Variants in ARID1A observed in about 807,000 individuals in gnomAD.
ARID1A encodes the protein AT-rich interactive domain-containing protein 1A.
A neutral mutation model predicts 212.6 loss-of-function variants in ARID1A; 20 were observed. The ratio of observed to expected loss-of-function variants is 0.09; its 90% CI spans 0.07 to 0.14. The LOEUF is 0.14. Ranked by LOEUF, ARID1A falls within the 10% of genes least tolerant of loss-of-function variation. The pLI is 1.00. For synonymous variants in ARID1A, 1,376 were observed against 1,222.1 expected, an observed-to-expected ratio of 1.13 and a Z score of -2.63; for missense variants, 2,587 against 3,059.0, an observed-to-expected ratio of 0.85 and a Z score of 3.64.
intron 1 of ARID1A, among the ~76,000 whole-genome samples, chr1:26,724,661 T>A (rs910468348): frequency 8.5e-5 from 13 of 152,230 alleles, no homozygotes; most frequent in Non-Finnish European, 1.8e-4. Flanking sequence ...TAGTCTGTTA[T>A]TTCAGCCGTT....
At chr1:26,765,957 G>T in intron 8 of ARID1A, 1 of 386,576 alleles carries the variant, frequency 2.6e-6, no homozygotes, top group Non-Finnish European at 4.6e-6. Flanking sequence ...AAGGCAGATT[G>T]TTTGAGCTCA....
intron 1 of ARID1A, among the ~76,000 whole-genome samples, chr1:26,723,004 T>A (rs969159248): frequency 1.3e-5 from 2 of 152,156 alleles, no homozygotes; most frequent in African/African-American, 4.8e-5. Flanking sequence ...AAGACAAACA[T>A]GTTTCTGGAC....
intron 4 of ARID1A, among the ~76,000 whole-genome samples, chr1:26,742,379 G>A (rs374584981): frequency 7.2e-5 from 11 of 152,164 alleles, no homozygotes; most frequent in African/African-American, 2.4e-4. Context: ...CCGTTGACTA[G>A]AGTTTGGTTA....
intron 4 of ARID1A, among the ~76,000 whole-genome samples, chr1:26,736,902 C>CAAAA (rs35005598): frequency 2.0e-5 from 1 of 49,872 alleles, no homozygotes; most frequent in African/African-American, 6.8e-5. Context: ...AATTCTGTCT[C>CAAAA]AAAAAAAAAA....
At chr1:26,751,629 A>G (rs141511832) in intron 4 of ARID1A, among the ~76,000 whole-genome samples, 126 of 152,296 alleles carry the variant, frequency 8.3e-4, no homozygotes, top group African/African-American at 2.8e-3. Context: ...ATGAGAGTCA[A>G]CCACTCACCT....
At chr1:26,713,088 T>A (rs766209334) in intron 1 of ARID1A, among the ~76,000 whole-genome samples, 1 of 152,260 alleles carries the variant, frequency 6.6e-6, no homozygotes, top group Non-Finnish European at 1.5e-5. Context: ...GTTTGATCTG[T>A]GATTTCATAT....
At position 26,779,198 on chromosome 1, in the gene ARID1A, A is replaced by T. The variant is rs1309206594; in HGVS notation, c.5300A>T (p.Glu1767Val). The change falls in exon 20 of 20, where the codon GAA (glutamate) becomes GTA (valine). Residue 1767 changes from glutamate to valine, a missense_variant. Physicochemically the swap from Glu to Val is moderately radical, Grantham distance 121. Transcript: ENST00000324856. ...ATGGAGGGTGGGGAAGAAGAAGAAG[A>T]ACTTCTAGGTCCTAAACTAGAAGAG... ...APMEGGEEEE[E>V]LLGPKLEEEE... 1.4e-5 allele frequency: 22 copies of T among 1,610,764 alleles called. No homozygotes were observed. Among genetic ancestry groups the T allele is most frequent in the Non-Finnish European group, 1.9e-5 (22 of 1,177,870 alleles).
chr1:26,757,300 T>C (rs2124041590), intron 4 of ARID1A, among the ~76,000 whole-genome samples: 1 of 149,400 alleles, frequency 6.7e-6, no homozygotes, highest in South Asian at 2.1e-4. Context: ...ACCCCGTCTC[T>C]ACTAAAAATA....
chr1:26,722,487 C>G (rs2080574503), intron 1 of ARID1A, among the ~76,000 whole-genome samples: 1 of 152,234 alleles, frequency 6.6e-6, no homozygotes, highest in South Asian at 2.1e-4. Context: ...CTCAGGCGAT[C>G]TGCCGCCTTG....
At chr1:26,758,419 C>T (rs571221428) in intron 4 of ARID1A, among the ~76,000 whole-genome samples, 1 of 152,190 alleles carries the variant, frequency 6.6e-6, no homozygotes, top group East Asian at 1.9e-4. Flanking sequence ...CTTCTCTACA[C>T]ACACACAAAC....
chr1:26,700,031 C>T (rs1394368755), intron 1 of ARID1A, among the ~76,000 whole-genome samples: 1 of 152,152 alleles, frequency 6.6e-6, no homozygotes, highest in Non-Finnish European at 1.5e-5. Context: ...ACATAGATTC[C>T]TAATTAATTT....
intron 11 of ARID1A, chr1:26,769,363 G>C (rs758144121): frequency 6.6e-6 from 1 of 152,208 alleles, no homozygotes; most frequent in African/African-American, 2.4e-5. Context: ...GATAATTCAG[G>C]GGCAAAAGAG....
In ARID1A at chr1:26,731,564, A is replaced by G. The variant is rs2124790344; in HGVS notation, c.1763A>G (p.Gln588Arg). Residue 588 changes from glutamine (Q) to arginine (R), a missense_variant, in exon 3 of 20, where the codon CAG (glutamine) becomes CGG (arginine). This residue lies in a region of ARID1A where 674 missense variants were observed against 813.4 expected (regional missense o/e 0.83). Transcript: ENST00000324856. ...CCTCAGCCCCAGTCTCAGCAGTCCC[A>G]GCAAACTGCCTATTCCCAGCAGCGC... ...AYPQPQSQQS[Q>R]QTAYSQQRFP... 3 of 1,614,144 alleles carry G rather than the reference A, an allele frequency of 1.9e-6. No homozygotes were observed. The highest frequency in any genetic ancestry group is 2.5e-6 in the Non-Finnish European group (3 of 1,180,024).
Position 26,697,055 on chromosome 1 carries a change from A to G in ARID1A, c.652A>G (p.Asn218Asp), listed in dbSNP as rs2080272807. 3 of 1,528,390 alleles carry G rather than the reference A, an allele frequency of 2.0e-6. No individual in the cohort carries two copies. The highest frequency in any genetic ancestry group is 1.2e-5 in the South Asian group (1 of 81,568). 94.7% of individuals were successfully genotyped at this position (1,528,390 alleles called of 1,614,324 possible). ...CCACCAGTACAACTCCTACTACCCC[A>G]ACCGCAGCGCCTACCCCCCGCCCGC... is the stretch of plus-strand genomic sequence containing the variant. ...PNHQYNSYYP[N>D]RSAYPPPAPA... The change falls in exon 1 of 20, where the codon AAC (asparagine) becomes GAC (aspartate). Residue 218 changes from asparagine (N) to aspartate (D), a missense_variant. By Grantham distance (23) the Asn-to-Asp change is conservative. Coordinates refer to ENST00000324856, the MANE Select transcript of ARID1A (RefSeq NM_006015.6).
Position 26,696,133 on chromosome 1 carries a change from CG to C in ARID1A, c.-268del, listed in dbSNP as rs2124738787. 1 of 480,332 alleles carries C rather than the reference CG, an allele frequency of 2.1e-6. No individual in the cohort carries two copies. Among genetic ancestry groups the C allele is most frequent in the East Asian group, 5.6e-5 (1 of 17,786 alleles). 29.8% of individuals were successfully genotyped at this position (480,332 alleles called of 1,614,324 possible). A position where few individuals can be genotyped will look rare whatever the true frequency, so the allele number is the denominator to read the frequency against. On this transcript the variant is annotated 5_prime_UTR_variant, in exon 1 of 20. The change creates a premature stop within an existing upstream ORF in the 5' untranslated region. Coordinates refer to ENST00000324856, the MANE Select transcript of ARID1A (RefSeq NM_006015.6). ...CTTGGGGGGAATGAGCCGGGAGAGC[CG>C]GGTCCCGAGCCTACAGAGCCGGGAG...
At chr1:26,763,378 G>T (rs968603074) in intron 8 of ARID1A, 93 bp downstream of exon 8, 5 of 1,364,576 alleles carry the variant, frequency 3.7e-6, no homozygotes, top group African/African-American at 2.9e-5. Flanking sequence ...TAAACCAGGG[G>T]GGGAAAATGG....
intron 10 of ARID1A, 27 bp from the exon 11 acceptor site, chr1:26,767,763 C>A (rs1298579136): frequency 8.2e-6 from 13 of 1,577,008 alleles, no homozygotes; most frequent in Non-Finnish European, 1.1e-5. Flanking sequence ...TGACCCATTC[C>A]TATGAATTTT....
intron 19 of ARID1A, chr1:26,778,792 G>A: frequency 2.5e-6 from 1 of 404,136 alleles, no homozygotes; most frequent in Non-Finnish European, 4.4e-6. Flanking sequence ...CTGTTGGCTA[G>A]TGTTCCTGGA....
intron 4 of ARID1A, among the ~76,000 whole-genome samples, chr1:26,752,595 G>T (rs1243731215): frequency 6.6e-6 from 1 of 152,152 alleles, no homozygotes; most frequent in African/African-American, 2.4e-5. Flanking sequence ...TTCTTCCTTA[G>T]AGTTTAAGGC....
Sources: allele counts gnomAD v4.1 joint callset (sites outside exome capture counted in the v4.1 genomes callset), GRCh38; gene constraint gnomAD v4.1.1; regional missense constraint gnomAD v4.1.1; transcripts MANE v1.5; gene names NCBI Gene and HGNC (gene_info 2026-07-23, HGNC 2026-07-21).